Variants in AP3B1 observed in about 807,000 individuals in gnomAD.
AP3B1 encodes the protein adaptor related protein complex 3 subunit beta 1.
A neutral mutation model predicts 132.5 loss-of-function variants in AP3B1; 61 were observed. The observed-to-expected ratio is 0.46, with a 90% confidence interval of 0.37 to 0.57. AP3B1 has a LOEUF of 0.57. Among genes scored for constraint, AP3B1 ranks in the 20% least tolerant of loss-of-function variants. The pLI is 0.00. For missense variants in AP3B1, 1,120 were observed against 1,289.4 expected (o/e 0.87, Z 2.01); for synonymous variants, 388 against 438.3 (o/e 0.89, Z 1.43).
chr5:78,181,456 T>C (rs1462057001), intron 8 of AP3B1, 51 bp downstream of exon 8: 1 of 1,552,554 alleles, frequency 6.4e-7, no homozygotes, highest in Non-Finnish European at 8.8e-7. Context: ...TATTTTTAAT[T>C]GCTGTTTTTT....
chr5:78,096,098 T>C (rs947581841), intron 21 of AP3B1, among the ~76,000 whole-genome samples: 1 of 152,320 alleles, frequency 6.6e-6, no homozygotes, highest in African/African-American at 2.4e-5. Flanking sequence ...CTCGGCTCAC[T>C]GCAACCTCCC....
At chr5:78,290,550 T>A (rs1438566094) in intron 1 of AP3B1, among the ~76,000 whole-genome samples, 1 of 152,180 alleles carries the variant, frequency 6.6e-6, no homozygotes, top group African/African-American at 2.4e-5. Context: ...TAAAATTATT[T>A]TTAATTATAG....
intron 24 of AP3B1, among the ~76,000 whole-genome samples, chr5:78,028,132 C>A (rs554711025): frequency 5.3e-4 from 79 of 149,724 alleles, no homozygotes; most frequent in Non-Finnish European, 9.2e-4. Flanking sequence ...CTCAAAACAA[C>A]AAAAAAAAAG....
intron 11 of AP3B1, among the ~76,000 whole-genome samples, chr5:78,172,973 T>C (rs1045569325): frequency 2.6e-5 from 4 of 152,218 alleles, no homozygotes; most frequent in African/African-American, 2.4e-5. Flanking sequence ...TTTGTTCTCA[T>C]TGGTTTCAAA....
rs562935827 is a variant in AP3B1, at chr5:78,268,350, G to GA, written c.129-756dup. On this transcript the variant is annotated intron_variant, in intron 1 of 26. Transcript: ENST00000255194. ...TAATGACTATGTATACTTTTATAATGAAAAACCTAAACCCTAAAAGAAACC... is the reference window on the plus strand; with the variant it reads ...TAATGACTATGTATACTTTTATAATGAAAAAACCTAAACCCTAAAAGAAACC... Among the ~76,000 whole-genome samples, 15 of 151,682 alleles carry GA rather than the reference G, an allele frequency of 9.9e-5. 1 individual carries two copies. The South Asian group carries it at 3.1e-3, about 32-fold the overall frequency.
At chr5:78,240,150 A>G (rs979838815) in intron 3 of AP3B1, among the ~76,000 whole-genome samples, 1 of 152,170 alleles carries the variant, frequency 6.6e-6, no homozygotes, top group Admixed American at 6.5e-5. Context: ...TGTTTCTGTT[A>G]TTTGTTAATG....
chr5:78,157,130 C>A (rs1036873883), intron 13 of AP3B1, among the ~76,000 whole-genome samples: 2 of 152,124 alleles, frequency 1.3e-5, no homozygotes, highest in Non-Finnish European at 2.9e-5. Context: ...ACTCTGCCAG[C>A]CTCCTCTCCC....
chr5:78,115,346 G>C (rs961570783), intron 18 of AP3B1, among the ~76,000 whole-genome samples: 12 of 152,156 alleles, frequency 7.9e-5, no homozygotes, highest in African/African-American at 2.9e-4. Context: ...GGTTCTCCAA[G>C]GAATAAAGAT....
chr5:78,066,374 A>T (rs1267548331), intron 22 of AP3B1, among the ~76,000 whole-genome samples: 1 of 152,208 alleles, frequency 6.6e-6, no homozygotes, highest in African/African-American at 2.4e-5. Context: ...TTGCTGAGCT[A>T]AAGGAGCATG....
chr5:78,263,939 A>T (rs1748209572), intron 2 of AP3B1, among the ~76,000 whole-genome samples: 1 of 152,178 alleles, frequency 6.6e-6, no homozygotes, highest in Non-Finnish European at 1.5e-5. Flanking sequence ...AGATACACAA[A>T]TACTTACCAT....
chr5:78,257,682 T>C (rs1394575259), intron 2 of AP3B1, among the ~76,000 whole-genome samples: 1 of 152,198 alleles, frequency 6.6e-6, no homozygotes, highest in Non-Finnish European at 1.5e-5. Context: ...CTAAAATTTA[T>C]ATGGAACCAC....
intron 15 of AP3B1, among the ~76,000 whole-genome samples, chr5:78,135,835 T>G (rs1199548049): frequency 1.3e-5 from 2 of 152,208 alleles, no homozygotes; most frequent in African/African-American, 4.8e-5. Flanking sequence ...CAGTAGACTA[T>G]TTCAACGAAC....
At chr5:78,288,884 G>C (rs1259089359) in intron 1 of AP3B1, among the ~76,000 whole-genome samples, 2 of 148,982 alleles carry the variant, frequency 1.3e-5, no homozygotes, top group Non-Finnish European at 3.0e-5. Flanking sequence ...GAAATACTAG[G>C]ATAAGCAAAA....
chr5:78,127,251 A>G (rs913147286), intron 17 of AP3B1, among the ~76,000 whole-genome samples: 2 of 152,350 alleles, frequency 1.3e-5, no homozygotes, highest in East Asian at 1.9e-4. Flanking sequence ...TCCTAATTCA[A>G]TGTATCTTTT....
chr5:78,058,204 G>A (rs1335899456), intron 22 of AP3B1, among the ~76,000 whole-genome samples: 2 of 152,106 alleles, frequency 1.3e-5, no homozygotes, highest in Non-Finnish European at 2.9e-5. Context: ...ATGTTTCACT[G>A]AGAAGTGCTA....
intron 1 of AP3B1, among the ~76,000 whole-genome samples, chr5:78,291,163 T>C (rs1436344776): frequency 1.3e-5 from 2 of 151,648 alleles, no homozygotes; most frequent in African/African-American, 4.8e-5. Flanking sequence ...AAACAAAAAT[T>C]GCCGATAATA....
chr5:78,154,911 C>G (rs1171632907), intron 14 of AP3B1, among the ~76,000 whole-genome samples: 3 of 152,154 alleles, frequency 2.0e-5, no homozygotes, highest in African/African-American at 7.2e-5. Flanking sequence ...AATTCTCTGT[C>G]TGAAGGGTCA....
intron 22 of AP3B1, among the ~76,000 whole-genome samples, chr5:78,068,150 C>A (rs1046996960): frequency 9.2e-5 from 14 of 152,250 alleles, no homozygotes; most frequent in Non-Finnish European, 1.9e-4. Flanking sequence ...CATGGAGAAA[C>A]CCCATCTCTA....
intron 14 of AP3B1, among the ~76,000 whole-genome samples, chr5:78,149,923 C>A (rs1203806720): frequency 6.7e-6 from 1 of 149,068 alleles, no homozygotes; most frequent in Non-Finnish European, 1.5e-5. Flanking sequence ...CTCCTGTAAG[C>A]CATACTTTTT....
Sources: allele counts gnomAD v4.1 joint callset (sites outside exome capture counted in the v4.1 genomes callset), GRCh38; gene constraint gnomAD v4.1.1; transcripts MANE v1.5; gene names NCBI Gene and HGNC (gene_info 2026-07-23, HGNC 2026-07-21).